The following ANKS1B variants were observed in gnomAD, a reference collection of about 807,000 sequenced individuals.
ANKS1B encodes the protein ankyrin repeat and sterile alpha motif domain containing 1B, also known as ankyrin repeat and sterile alpha motif domain-containing protein 1B.
ANKS1B carries 36 observed loss-of-function variants against 148.3 expected under a neutral mutation model. That is an observed-to-expected ratio of 0.24 (90% CI 0.19 to 0.32). The LOEUF is 0.32. Ranked by LOEUF, ANKS1B falls within the 10% of genes least tolerant of loss-of-function variation. ANKS1B has a pLI of 1.00. For missense variants in ANKS1B, 1,157 were observed against 1,542.6 expected (o/e 0.75, Z 4.19); for synonymous variants, 542 against 560.8 (o/e 0.97, Z 0.47).
intron 8 of ANKS1B, among the ~76,000 whole-genome samples, chr12:99,725,509 T>C (rs576795238): frequency 1.3e-5 from 2 of 152,196 alleles, no homozygotes; most frequent in East Asian, 3.9e-4. Context: ...TAAAACAAGT[T>C]CTTAGAGACC....
intron 8 of ANKS1B, among the ~76,000 whole-genome samples, chr12:99,701,975 A>G (rs894085343): frequency 1.3e-5 from 2 of 152,164 alleles, no homozygotes; most frequent in African/African-American, 4.8e-5. Context: ...AATCTTGGCT[A>G]TTATGAATAG....
chr12:99,744,030 G>A (rs536714068), intron 8 of ANKS1B, among the ~76,000 whole-genome samples: 15 of 152,218 alleles, frequency 9.9e-5, no homozygotes, highest in Non-Finnish European at 1.6e-4. Context: ...TGGGTTCCAC[G>A]TCTGCAGACA....
chr12:99,730,747 G>T (rs1402887024), intron 8 of ANKS1B, among the ~76,000 whole-genome samples: 2 of 152,070 alleles, frequency 1.3e-5, no homozygotes, highest in Non-Finnish European at 2.9e-5. Flanking sequence ...TCACTAAGCT[G>T]GGAAAGGGGA....
chr12:99,349,274 G>A (rs1293494486), intron 12 of ANKS1B, among the ~76,000 whole-genome samples: 2 of 151,760 alleles, frequency 1.3e-5, no homozygotes, highest in African/African-American at 4.8e-5. Context: ...CAATAATGGA[G>A]GAATTAAGGA....
intron 8 of ANKS1B, among the ~76,000 whole-genome samples, chr12:99,663,055 A>G (rs2098485448): frequency 6.6e-6 from 1 of 152,178 alleles, no homozygotes; most frequent in Non-Finnish European, 1.5e-5. Context: ...AAAGGCAACA[A>G]CTATGTAATA....
intron 9 of ANKS1B, among the ~76,000 whole-genome samples, chr12:99,565,706 T>C (rs1295482767): frequency 6.6e-6 from 1 of 152,164 alleles, no homozygotes; most frequent in Non-Finnish European, 1.5e-5. Flanking sequence ...TGGTAGAATT[T>C]TGGGGACTTA....
chr12:99,279,271 G>C (rs1161834542), intron 12 of ANKS1B, among the ~76,000 whole-genome samples: 1 of 152,002 alleles, frequency 6.6e-6, no homozygotes, highest in Non-Finnish European at 1.5e-5. Flanking sequence ...AAAATTAATT[G>C]AATTACATCA....
intron 9 of ANKS1B, among the ~76,000 whole-genome samples, chr12:99,620,773 C>T (rs532445360): frequency 1.3e-5 from 2 of 151,948 alleles, no homozygotes; most frequent in Non-Finnish European, 2.9e-5. Context: ...AGTGACCAAA[C>T]CCATGAATTA....
At chr12:99,893,861 T>C (rs949728784) in intron 1 of ANKS1B, among the ~76,000 whole-genome samples, 3 of 152,168 alleles carry the variant, frequency 2.0e-5, no homozygotes, top group African/African-American at 7.2e-5. Flanking sequence ...GGTGAATATA[T>C]ACCACATTTT....
intron 11 of ANKS1B, among the ~76,000 whole-genome samples, chr12:99,442,424 C>G (rs944588530): frequency 6.6e-6 from 1 of 151,824 alleles, no homozygotes; most frequent in Admixed American, 6.6e-5. Flanking sequence ...CCTGCATATT[C>G]CATACTCCTA....
intron 15 of ANKS1B, among the ~76,000 whole-genome samples, chr12:99,136,583 A>G (rs1473019040): frequency 6.6e-6 from 1 of 152,220 alleles, no homozygotes; most frequent in Non-Finnish European, 1.5e-5. Context: ...GATAGTATTG[A>G]CAATGTAAAT....
chr12:99,105,525 T>C (rs2153687859), intron 15 of ANKS1B, among the ~76,000 whole-genome samples: 1 of 152,098 alleles, frequency 6.6e-6, no homozygotes, highest in East Asian at 1.9e-4. Flanking sequence ...ACAAAATTTT[T>C]TGGGAGGCCG....
intron 8 of ANKS1B, among the ~76,000 whole-genome samples, chr12:99,771,268 G>C (rs2063164365): frequency 6.6e-6 from 1 of 151,862 alleles, no homozygotes; most frequent in Non-Finnish European, 1.5e-5. Flanking sequence ...AATATTACTA[G>C]AAATGCAGTC....
chr12:98,918,164 C>T (rs1247073391), intron 17 of ANKS1B, among the ~76,000 whole-genome samples: 4 of 152,318 alleles, frequency 2.6e-5, no homozygotes, highest in Admixed American at 2.0e-4. Context: ...GGGTGATATA[C>T]CCCTGCACCT....
At chr12:99,837,169 G>A (rs1006710773) in intron 1 of ANKS1B, among the ~76,000 whole-genome samples, 1 of 152,172 alleles carries the variant, frequency 6.6e-6, no homozygotes, top group Non-Finnish European at 1.5e-5. Flanking sequence ...AAAGATGGAA[G>A]AGGGTCATGA....
chr12:99,450,395 G>A (rs964959859), intron 10 of ANKS1B, among the ~76,000 whole-genome samples: 3 of 152,178 alleles, frequency 2.0e-5, no homozygotes, highest in Admixed American at 6.5e-5. Context: ...TCACGGACTA[G>A]TTAAGTTGAA....
At chr12:98,867,570 A>G (rs1450861370) in intron 17 of ANKS1B, among the ~76,000 whole-genome samples, 1 of 152,202 alleles carries the variant, frequency 6.6e-6, no homozygotes, top group African/African-American at 2.4e-5. Flanking sequence ...TTTAGAATGT[A>G]AGTCAGTTTG....
intron 1 of ANKS1B, among the ~76,000 whole-genome samples, chr12:99,883,970 A>G (rs934570680): frequency 1.3e-5 from 2 of 151,658 alleles, no homozygotes; most frequent in African/African-American, 4.8e-5. Flanking sequence ...CTATATGAAA[A>G]CTCCCCAAAC....
chr12:98,840,806 A>C (rs1457313205), intron 17 of ANKS1B, among the ~76,000 whole-genome samples: 1 of 152,222 alleles, frequency 6.6e-6, no homozygotes, highest in Non-Finnish European at 1.5e-5. Context: ...AATTTCCCTG[A>C]AAGTTACTTT....
Sources: gnomAD v4.1 joint callset for allele counts (sites outside exome capture counted in the v4.1 genomes callset) on GRCh38, gnomAD v4.1.1 for gene constraint, MANE v1.5 for transcripts, NCBI Gene and HGNC (gene_info 2026-07-23, HGNC 2026-07-21) for gene names.